The following CDH13 variants were observed in gnomAD, a reference collection of about 807,000 sequenced individuals.
The protein encoded by CDH13 is cadherin-13.
Under a neutral mutation model 63.8 loss-of-function variants are expected in CDH13, and 24 were observed. The ratio of observed to expected loss-of-function variants is 0.38; its 90% CI spans 0.27 to 0.53. CDH13 has a LOEUF of 0.53. Among genes scored for constraint, CDH13 ranks in the 20% least tolerant of loss-of-function variants. The pLI is 0.85. For synonymous variants in CDH13, 503 were observed against 355.3 expected (o/e 1.42, Z -4.67); for missense variants, 1,049 against 903.1 (o/e 1.16, Z -2.07).
intron 5 of CDH13, among the ~76,000 whole-genome samples, chr16:83,241,148 C>T (rs1473112463): frequency 6.6e-6 from 1 of 152,144 alleles, no homozygotes; most frequent in African/African-American, 2.4e-5. Context: ...TATGTAGTCT[C>T]ATATGACAGG....
intron 5 of CDH13, among the ~76,000 whole-genome samples, chr16:83,235,374 G>T (rs75363126): frequency 6.6e-6 from 1 of 152,058 alleles, no homozygotes; most frequent in Non-Finnish European, 1.5e-5. Context: ...ACCATAGAGC[G>T]TTGCTATGAG....
chr16:83,079,697 T>C lies in CDH13; in HGVS notation c.367-45688T>C, dbSNP rs369530042. Among the ~76,000 whole-genome samples the C allele has an allele frequency of 2.6e-5, 4 of 152,330 alleles. No individual in the cohort carries two copies. In the East Asian group the frequency reaches 5.8e-4, roughly 22 times the overall value. On this transcript the variant is annotated intron_variant, in intron 3 of 13. Transcript: ENST00000567109. ...ATAAAAGATTGGAGAACAAATGGCA[T>C]GTACGCAAATGTGTTTCTTCCTTTT...
chr16:82,813,924 A>G (rs2037574483), intron 1 of CDH13, among the ~76,000 whole-genome samples: 1 of 152,120 alleles, frequency 6.6e-6, no homozygotes. Context: ...CATCCATGCA[A>G]TAGGGATAAT....
At chr16:82,788,571 C>A (rs143768267) in intron 1 of CDH13, among the ~76,000 whole-genome samples, 4 of 152,252 alleles carry the variant, frequency 2.6e-5, no homozygotes, top group East Asian at 1.9e-4. Context: ...GGAACACTTA[C>A]ATTTTCTGAC....
chr16:83,448,103 T>C (rs901522545), intron 6 of CDH13, among the ~76,000 whole-genome samples: 16 of 152,204 alleles, frequency 1.1e-4, no homozygotes, highest in African/African-American at 3.9e-4. Flanking sequence ...TTTTATTTTA[T>C]TATAGAGATA....
At chr16:83,233,295 C>A (rs1040022867) in intron 5 of CDH13, among the ~76,000 whole-genome samples, 1 of 152,186 alleles carries the variant, frequency 6.6e-6, no homozygotes, top group Non-Finnish European at 1.5e-5. Context: ...TACCCTCTCA[C>A]CCAGTGACGA....
At chr16:83,388,340 C>G (rs992693981) in intron 6 of CDH13, among the ~76,000 whole-genome samples, 4 of 151,090 alleles carry the variant, frequency 2.6e-5, no homozygotes, top group Non-Finnish European at 5.9e-5. Flanking sequence ...GTAGTCCCAA[C>G]TACTTGGGAG....
At chr16:83,655,604 G>A (rs2150827567) in intron 8 of CDH13, among the ~76,000 whole-genome samples, 1 of 152,320 alleles carries the variant, frequency 6.6e-6, no homozygotes, top group South Asian at 2.1e-4. Flanking sequence ...GATCCCAGAA[G>A]GCCTGGGAAC....
At chr16:83,250,465 A>G (rs1197526530) in intron 5 of CDH13, among the ~76,000 whole-genome samples, 1 of 152,180 alleles carries the variant, frequency 6.6e-6, no homozygotes, top group Admixed American at 6.5e-5. Context: ...AAAGGAAGTG[A>G]TAGCAGAAGT....
At chr16:82,908,372 G>A (rs1365863541) in intron 2 of CDH13, among the ~76,000 whole-genome samples, 1 of 152,128 alleles carries the variant, frequency 6.6e-6, no homozygotes, top group Non-Finnish European at 1.5e-5. Context: ...CAAGGTTGAT[G>A]AACACATGGT....
intron 6 of CDH13, among the ~76,000 whole-genome samples, chr16:83,363,798 C>A (rs747959887): frequency 6.6e-6 from 1 of 152,042 alleles, no homozygotes; most frequent in Non-Finnish European, 1.5e-5. Context: ...GCTGAGTGGG[C>A]GTGCTCCTCC....
At chr16:82,882,418 A>G (rs1488786728) in intron 2 of CDH13, among the ~76,000 whole-genome samples, 6 of 152,186 alleles carry the variant, frequency 3.9e-5, no homozygotes, top group Non-Finnish European at 7.3e-5. Context: ...TCCGCTGCCA[A>G]TGACCACCAG....
chr16:83,795,392 T>G lies in CDH13; in HGVS notation c.*362T>G, dbSNP rs1185158396. The stretch of plus-strand genomic sequence containing the variant: ...CTGTGGGTTAGTATTGGTGTATGTA[T>G]GAGTATCTGTATGTATATATACACG... On this transcript the variant is annotated 3_prime_UTR_variant, in exon 14 of 14. Coordinates refer to ENST00000567109, the MANE Select transcript of CDH13 (RefSeq NM_001257.5). 1 of 271,974 alleles carries G rather than the reference T, an allele frequency of 3.7e-6. No homozygotes were observed. The highest frequency in any genetic ancestry group is 2.2e-5 in the African/African-American group (1 of 45,090). 16.8% of individuals were successfully genotyped at this position (271,974 alleles called of 1,614,324 possible).
chr16:82,962,686 C>A (rs1035684953), intron 2 of CDH13, among the ~76,000 whole-genome samples: 1 of 152,128 alleles, frequency 6.6e-6, no homozygotes, highest in Non-Finnish European at 1.5e-5. Flanking sequence ...AGCAACACAT[C>A]CAGTGATGAT....
At position 82,867,483 on chromosome 16, in the gene CDH13, C is replaced by G. The variant is rs116291164; in HGVS notation, c.157+9010C>G. Among the ~76,000 whole-genome samples the G allele has an allele frequency of 3.7e-3, 568 of 152,240 alleles. 5 individuals are homozygous for G. The highest frequency in any genetic ancestry group is 0.013 in the African/African-American group (548 of 41,560). ...ACCCAGGGCCAGATTGTCCATGACC[C>G]TTAACTCTCAGCTTTCCACCCTCTC... On this transcript the variant is annotated intron_variant, in intron 2 of 13. Coordinates refer to ENST00000567109, the MANE Select transcript of CDH13 (RefSeq NM_001257.5).
intron 1 of CDH13, among the ~76,000 whole-genome samples, chr16:82,661,251 C>A (rs1043871829): frequency 6.6e-6 from 1 of 152,222 alleles, no homozygotes; most frequent in Non-Finnish European, 1.5e-5. Flanking sequence ...TGAGGACACA[C>A]GCTCTGTCCA....
intron 1 of CDH13, among the ~76,000 whole-genome samples, chr16:82,807,682 GA>G (rs1457513801): frequency 2.0e-5 from 3 of 152,140 alleles, no homozygotes; most frequent in Non-Finnish European, 4.4e-5. Flanking sequence ...TGAGTTGGAA[GA>G]AGAGAAAATG....
chr16:82,669,460 G>A (rs553463278), intron 1 of CDH13, among the ~76,000 whole-genome samples: 1 of 152,328 alleles, frequency 6.6e-6, no homozygotes, highest in South Asian at 2.1e-4. Flanking sequence ...TTTATTTTAA[G>A]TGACACATTC....
intron 5 of CDH13, among the ~76,000 whole-genome samples, chr16:83,258,548 G>A (rs1253139791): frequency 6.6e-6 from 1 of 152,182 alleles, no homozygotes; most frequent in Admixed American, 6.5e-5. Context: ...ACAGTGTTCT[G>A]TCTGATATGT....
Sources: gnomAD v4.1 joint callset for allele counts (sites outside exome capture counted in the v4.1 genomes callset) on GRCh38, gnomAD v4.1.1 for gene constraint, MANE v1.5 for transcripts, NCBI Gene and HGNC (gene_info 2026-07-23, HGNC 2026-07-21) for gene names.